PPP1R7: variants seen among roughly 807,000 people sequenced by gnomAD.
PPP1R7 encodes protein phosphatase 1 regulatory subunit 7.
A neutral mutation model predicts 45.2 loss-of-function variants in PPP1R7; 18 were observed. The ratio of observed to expected loss-of-function variants is 0.40; its 90% CI spans 0.28 to 0.59. PPP1R7 has a LOEUF of 0.59. Among genes scored for constraint, PPP1R7 ranks in the 20% least tolerant of loss-of-function variants. PPP1R7 has a pLI of 0.46. For missense variants in PPP1R7, 314 were observed against 455.8 expected (o/e 0.69, Z 2.83); for synonymous variants, 181 against 183.4 (o/e 0.99, Z 0.11).
At position 241,166,385 on chromosome 2, in the gene PPP1R7, C is replaced by T. The variant is rs2067711056; in HGVS notation, c.763C>T (p.Arg255Trp). 1.9e-6 allele frequency: 3 copies of T among 1,613,974 alleles called. No homozygotes were observed. The highest frequency in any genetic ancestry group is 2.2e-5 in the East Asian group (1 of 44,870). ...GGGTCTGCAGAACCTGGTGAACCTG[C>T]GGGAGCTGTACCTTAGCCACAATGG... ...IEGLQNLVNLRELYLSHNGIE... is the reference protein window; with the variant it reads ...IEGLQNLVNLWELYLSHNGIE... The change falls in exon 8 of 10, where the codon CGG (arginine) becomes TGG (tryptophan). Residue 255 changes from arginine to tryptophan, a missense_variant. Physicochemically the swap from Arg to Trp is moderately radical, Grantham distance 101. Transcript: ENST00000234038.
At chr2:241,156,354 T>C (rs1383852504) in intron 2 of PPP1R7, among the ~76,000 whole-genome samples, 1 of 152,162 alleles carries the variant, frequency 6.6e-6, no homozygotes, top group African/African-American at 2.4e-5. Flanking sequence ...AACAGAAAAC[T>C]GCAAGGGGAA....
At chr2:241,160,207 C>T (rs1322670712) in intron 5 of PPP1R7, 125 bp from the exon 6 acceptor site, 2 of 642,760 alleles carry the variant, frequency 3.1e-6, no homozygotes, top group Non-Finnish European at 5.1e-6. Flanking sequence ...GAACCCCCCA[C>T]CCTCTCCCAC....
intron 7 of PPP1R7, among the ~76,000 whole-genome samples, chr2:241,165,771 A>AT (rs1184183016): frequency 1.4e-5 from 2 of 143,290 alleles, no homozygotes; most frequent in Admixed American, 7.1e-5. Flanking sequence ...TTTTTTTTGT[A>AT]TTTTTTTCGT....
At position 241,169,677 on chromosome 2, in the gene PPP1R7, G is replaced by C. The variant is rs369905574; in HGVS notation, c.820-104G>C. 5 of 913,112 alleles carry C rather than the reference G, an allele frequency of 5.5e-6. No individual in the cohort carries two copies. The African/African-American group carries it at 6.5e-5, about 12-fold the overall frequency. The allele number at this position is 913,112 out of a possible 1,614,324, so 56.6% of individuals were successfully genotyped here. A position where few individuals can be genotyped will look rare whatever the true frequency, so the allele number is the denominator to read the frequency against. On this transcript the variant is annotated intron_variant, in intron 8 of 9. Transcript: ENST00000234038. ...TTACCCTGTGAGGGCAGAGAGGGCA[G>C]TGCACCTGCAGCCCTAAGGTCAGCA... is the stretch of plus-strand genomic sequence containing the variant.
In PPP1R7 at chr2:241,183,019, A is replaced by G. The variant is rs1052719356; in HGVS notation, c.*196A>G. 4.9e-5 allele frequency: 30 copies of G among 615,872 alleles called. No individual in the cohort carries two copies. Among genetic ancestry groups the G allele is most frequent in the Non-Finnish European group, 5.6e-5 (20 of 354,038 alleles). 38.2% of individuals were successfully genotyped at this position (615,872 alleles called of 1,614,324 possible). A position where few individuals can be genotyped will look rare whatever the true frequency, so the allele number is the denominator to read the frequency against. ...TGCCGTTGCAATTAAATCTTGCCAC[A>G]CTGTCCTCCTGGGTGATTGTTGACA... On this transcript the variant is annotated 3_prime_UTR_variant, in exon 10 of 10. Transcript: ENST00000234038.
chr2:241,163,555 A>G (rs530890618), intron 7 of PPP1R7, among the ~76,000 whole-genome samples, 154 bp downstream of exon 7: 3 of 152,280 alleles, frequency 2.0e-5, no homozygotes, highest in South Asian at 2.1e-4. Flanking sequence ...TAGACTTTAT[A>G]CACACATGTG....
At chr2:241,173,502 ATTTTGTTTTGTT>A (rs2067854476) in intron 9 of PPP1R7, among the ~76,000 whole-genome samples, 1 of 151,614 alleles carries the variant, frequency 6.6e-6, no homozygotes, top group South Asian at 2.1e-4. Context: ...ATTGTTTCTT[ATTTTGTTTTGTT>A]TTTTGCAACT....
At position 241,169,900 on chromosome 2, in the gene PPP1R7, T is replaced by C; in HGVS notation, c.906+33T>C. On this transcript the variant is annotated intron_variant, in intron 9 of 9. Coordinates refer to ENST00000234038, the MANE Select transcript of PPP1R7 (RefSeq NM_002712.3). ...TAATACACGCTGGGGTTGATGACAC[T>C]TTGACTAAACTGGTCTCACTGATTA... 3 of 1,507,986 alleles carry C rather than the reference T, an allele frequency of 2.0e-6. No individual in the cohort carries two copies. The African/African-American group carries it at 4.1e-5, about 21-fold the overall frequency. 93.4% of individuals were successfully genotyped at this position (1,507,986 alleles called of 1,614,324 possible).
At chr2:241,180,468 C>T (rs1036808081) in intron 9 of PPP1R7, among the ~76,000 whole-genome samples, 1 of 150,974 alleles carries the variant, frequency 6.6e-6, no homozygotes, top group African/African-American at 2.4e-5. Context: ...TTGCGTTGGG[C>T]CTCATTCAAA....
intron 1 of PPP1R7, chr2:241,151,623 C>A (rs2067308553): frequency 2.1e-6 from 1 of 465,170 alleles, no homozygotes; most frequent in Admixed American, 2.4e-5. Flanking sequence ...TCTTGGACTT[C>A]ATACCCTTTG....
intron 7 of PPP1R7, 36 bp from the exon 8 acceptor site, chr2:241,166,301 T>C (rs377216979): frequency 6.5e-6 from 10 of 1,541,318 alleles, no homozygotes; most frequent in Non-Finnish European, 9.0e-6. Flanking sequence ...ATACCTTCTG[T>C]ACTGTTCTGA....
At chr2:241,165,936 T>C (rs2067696960) in intron 7 of PPP1R7, among the ~76,000 whole-genome samples, 1 of 145,944 alleles carries the variant, frequency 6.9e-6, no homozygotes, top group East Asian at 2.1e-4. Context: ...GGAGTCTCGC[T>C]CTGTTGCCCA....
In PPP1R7 at chr2:241,183,286, T is replaced by C. The variant is rs2068040869; in HGVS notation, c.*463T>C. On this transcript the variant is annotated 3_prime_UTR_variant, in exon 10 of 10. Coordinates refer to ENST00000234038, the MANE Select transcript of PPP1R7 (RefSeq NM_002712.3). ...CTGCAACAACCGAGGTTTTTTAGTC[T>C]TTTAACCCAGCCATTTTCAATTTTT... The C allele has an allele frequency of 2.4e-6, 1 of 424,052 alleles. No homozygotes were observed. The highest frequency in any genetic ancestry group is 2.1e-5 in the African/African-American group (1 of 48,448). 26.3% of individuals were successfully genotyped at this position (424,052 alleles called of 1,614,324 possible).
At chr2:241,166,974 C>T in intron 8 of PPP1R7, 1 of 1,384,140 alleles carries the variant, frequency 7.2e-7, no homozygotes, top group East Asian at 2.3e-5. Flanking sequence ...CCCCATTCCT[C>T]CCTGCCTGCT....
intron 6 of PPP1R7, among the ~76,000 whole-genome samples, chr2:241,162,747 A>G (rs925043328): frequency 5.3e-5 from 8 of 151,396 alleles, no homozygotes; most frequent in African/African-American, 1.7e-4. Context: ...CAGTGGCACA[A>G]TCTCGGCTCA....
intron 2 of PPP1R7, among the ~76,000 whole-genome samples, chr2:241,157,008 A>G (rs1181707780): frequency 6.6e-6 from 1 of 152,084 alleles, no homozygotes; most frequent in Non-Finnish European, 1.5e-5. Context: ...CCTTTTCAGC[A>G]CACATGCTGA....
chr2:241,150,709 C>T (rs1200161083), intron 1 of PPP1R7, among the ~76,000 whole-genome samples, 162 bp downstream of exon 1: 1 of 152,212 alleles, frequency 6.6e-6, no homozygotes, highest in African/African-American at 2.4e-5. Flanking sequence ...GGGGGAGGCG[C>T]TGGACCTCGG....
intron 2 of PPP1R7, among the ~76,000 whole-genome samples, chr2:241,154,005 C>A (rs2067383477): frequency 6.6e-6 from 1 of 151,346 alleles, no homozygotes; most frequent in African/African-American, 2.4e-5. Context: ...CATGGTGAAA[C>A]CCTGTCTCTA....
At chr2:241,149,843 C>T (rs905337705), upstream of PPP1R7, 2 of 1,488,808 alleles carry the variant, frequency 1.3e-6, no homozygotes, top group African/African-American at 2.8e-5. Context: ...GAACGACTTG[C>T]AAGGGGAGCC....
Sources: gnomAD v4.1 joint callset for allele counts (sites outside exome capture counted in the v4.1 genomes callset) on GRCh38, gnomAD v4.1.1 for gene constraint, MANE v1.5 for transcripts, NCBI Gene and HGNC (gene_info 2026-07-23, HGNC 2026-07-21) for gene names.